The following DNAJB1 variants were observed in gnomAD, a reference collection of about 807,000 sequenced individuals.
DNAJB1 encodes the protein dnaJ homolog subfamily B member 1.
In DNAJB1, 14 loss-of-function variants were observed where a neutral mutation model predicts 24.0. That is an observed-to-expected ratio of 0.58 (90% CI 0.39 to 0.91). DNAJB1 has a LOEUF of 0.91. Among genes scored for constraint, DNAJB1 ranks in the 40% least tolerant of loss-of-function variants. The probability of loss-of-function intolerance (pLI) is 0.00; values close to 1 mark genes in which losing one functional copy is unlikely to be tolerated. For synonymous variants in DNAJB1, 262 were observed against 174.4 expected, an observed-to-expected ratio of 1.50 and a Z score of -3.96; for missense variants, 517 against 458.1, an observed-to-expected ratio of 1.13 and a Z score of -1.17.
chr19:14,515,220 G>T lies in DNAJB1; in HGVS notation c.*720C>A, dbSNP rs957440034. ...CAAGATTGCCTTACAGAAATGTAAA[G>T]AGTGTGACCCACAAAGTGAGGACAT... On this transcript the variant is annotated 3_prime_UTR_variant, in exon 3 of 3. Coordinates refer to ENST00000254322, the MANE Select transcript of DNAJB1 (RefSeq NM_006145.3). 3.9e-5 allele frequency: 6 copies of T among 152,656 alleles called. No individual in the cohort carries two copies. The highest frequency in any genetic ancestry group is 1.4e-4 in the African/African-American group (6 of 41,454). The allele number at this position is 152,656 out of a possible 1,614,324, so 9.5% of individuals were successfully genotyped here.
chr19:14,539,077 G>A (rs1405413781), intron 1 of DNAJB1, among the ~76,000 whole-genome samples: 8 of 148,508 alleles, frequency 5.4e-5, no homozygotes, highest in Non-Finnish European at 1.0e-4. Flanking sequence ...GGGTTCATGC[G>A]ATTCTCCTGC....
chr19:14,516,434 C>T, intron 2 of DNAJB1, 32 bp downstream of exon 2: 1 of 1,428,394 alleles, frequency 7.0e-7, no homozygotes, highest in Non-Finnish European at 9.6e-7. Flanking sequence ...AGCCATCGCC[C>T]TCTACAGACA....
At chr19:14,526,957 G>A (rs527924155) in intron 2 of DNAJB1, among the ~76,000 whole-genome samples, 2 of 151,956 alleles carry the variant, frequency 1.3e-5, no homozygotes, top group East Asian at 3.9e-4. Context: ...TAATCCCAGC[G>A]CTTTGGGAGG....
chr19:14,538,840 T>C (rs998957534), intron 1 of DNAJB1, among the ~76,000 whole-genome samples: 1 of 151,346 alleles, frequency 6.6e-6, no homozygotes, highest in African/African-American at 2.4e-5. Flanking sequence ...TGAGAAAAGC[T>C]TCAAAACTTA....
intron 1 of DNAJB1, among the ~76,000 whole-genome samples, chr19:14,556,945 G>T (rs1201971635): frequency 6.6e-6 from 1 of 152,078 alleles, no homozygotes; most frequent in African/African-American, 2.4e-5. Context: ...TGGGTTCACT[G>T]TGACCAGCTG....
At chr19:14,516,312 A>AAGCTCC (rs2146518640) in intron 2 of DNAJB1, 142 bp from the exon 3 acceptor site, 1 of 1,267,494 alleles carries the variant, frequency 7.9e-7, no homozygotes, top group Admixed American at 2.6e-5. Context: ...CCCACCACGA[A>AAGCTCC]AGCTCCACAA....
chr19:14,548,071 T>C (rs1486345979), intron 1 of DNAJB1, among the ~76,000 whole-genome samples: 1 of 151,874 alleles, frequency 6.6e-6, no homozygotes, highest in Non-Finnish European at 1.5e-5. Flanking sequence ...CAAGCGATTC[T>C]TCTGCCTCAG....
chr19:14,515,982 G>C lies in DNAJB1; in HGVS notation c.981C>G (p.Pro327=), dbSNP rs530905480. ...EFEVIFPERI[P]QTSRTVLEQV... ...GCTCAAGTACGGTTCTTGATGTCTG[G>C]GGAATCCTTTCGGGGAAGATCACTT... Residue 327 remains proline (P), a synonymous_variant, in exon 3 of 3, where the codon CCC becomes CCG. Transcript: ENST00000254322. 11 of 1,610,772 alleles carry C rather than the reference G, an allele frequency of 6.8e-6. No individual in the cohort carries two copies. The highest frequency in any genetic ancestry group is 9.3e-6 in the Non-Finnish European group (11 of 1,179,064).
chr19:14,536,952 T>C (rs2072919711), intron 1 of DNAJB1, among the ~76,000 whole-genome samples: 1 of 88,194 alleles, frequency 1.1e-5, no homozygotes, highest in South Asian at 4.0e-4. Flanking sequence ...ACGGGGCAGA[T>C]GTGGGGAGGA....
chr19:14,522,697 C>G (rs971473992), upstream of DNAJB1, among the ~76,000 whole-genome samples: 106 of 150,022 alleles, frequency 7.1e-4, 2 homozygotes, highest in African/African-American at 2.2e-3. Context: ...CACACACACA[C>G]ACACACACAC....
intron 1 of DNAJB1, 85 bp from the exon 2 acceptor site, chr19:14,517,131 GC>G: frequency 7.0e-7 from 1 of 1,428,978 alleles, no homozygotes; most frequent in Non-Finnish European, 9.4e-7. Flanking sequence ...CAGCTTGGAA[GC>G]CATGGGGGAG....
upstream of DNAJB1, chr19:14,518,485 G>C (rs8102350): frequency 0.81 from 464,272 of 571,944 alleles, 192,167 homozygotes; most frequent in African/African-American, 0.87. Flanking sequence ...CGCCCCGCCC[G>C]CCCCCGCGGC....
intron 2 of DNAJB1, 41 bp downstream of exon 2, chr19:14,516,425 G>C: frequency 6.3e-7 from 1 of 1,580,430 alleles, no homozygotes; most frequent in Non-Finnish European, 8.6e-7. Flanking sequence ...TCAAAAAGCA[G>C]CCATCGCCCT....
upstream of DNAJB1, among the ~76,000 whole-genome samples, chr19:14,534,675 G>A (rs936501471): frequency 2.0e-5 from 3 of 152,080 alleles, no homozygotes; most frequent in Admixed American, 6.6e-5. Context: ...GGGCTCAAGC[G>A]ATCCTCCTGC....
chr19:14,551,564 G>A (rs1016899944), upstream of DNAJB1, among the ~76,000 whole-genome samples: 1 of 152,128 alleles, frequency 6.6e-6, no homozygotes, highest in Non-Finnish European at 1.5e-5. Context: ...CATTGAGGAC[G>A]CGCCCCTGCT....
At chr19:14,542,347 G>GGGTTTTTTTTTTT (rs2073124658) in intron 1 of DNAJB1, among the ~76,000 whole-genome samples, 6 of 43,284 alleles carry the variant, frequency 1.4e-4, no homozygotes, top group African/African-American at 4.9e-4. Flanking sequence ...ATGCCATAGT[G>GGGTTTTTTTTTTT]TTTTTTTTTT....
rs750634405 is a variant in DNAJB1 at position 14,515,965 on chromosome 19, A to G, written c.998T>C (p.Val333Ala). Residue 333 changes from valine (V) to alanine (A), a missense_variant, in exon 3 of 3, where the codon GTA becomes GCA. Physicochemically the swap from Val to Ala is moderately conservative, Grantham distance 64 (BLOSUM62 0). Coordinates refer to ENST00000254322, the MANE Select transcript of DNAJB1 (RefSeq NM_006145.3). The stretch of plus-strand genomic sequence containing the variant: ...CTATATTGGAAGAACCTGCTCAAGT[A>G]CGGTTCTTGATGTCTGGGGAATCCT... ...PERIPQTSRT[V>A]LEQVLPI 1.2e-6 allele frequency: 2 copies of G among 1,609,930 alleles called. No individual in the cohort carries two copies. The highest frequency in any genetic ancestry group is 1.7e-4 in the Middle Eastern group (1 of 5,784).
At position 14,518,358 on chromosome 19, in the gene DNAJB1, C is replaced by A. The variant is rs1027637082; in HGVS notation, c.-9G>T. On this transcript the variant is annotated 5_prime_UTR_variant, in exon 1 of 3. Coordinates refer to ENST00000254322, the MANE Select transcript of DNAJB1 (RefSeq NM_006145.3). ...TAGTAGTCTTTACCCATGACCCCCT[C>A]CTGCGGCCCGCCGACCCGCTGTCGC... 5 of 1,548,552 alleles carry A rather than the reference C, an allele frequency of 3.2e-6. No homozygotes were observed. The African/African-American group carries it at 4.2e-5, about 13-fold the overall frequency.
chr19:14,545,438 G>C (rs892994896), intron 1 of DNAJB1, among the ~76,000 whole-genome samples: 8 of 126,138 alleles, frequency 6.3e-5, no homozygotes, highest in Non-Finnish European at 1.5e-4. Flanking sequence ...CACAGCTCCT[G>C]GTACATCGTG....
Sources: gnomAD v4.1 joint callset for allele counts (sites outside exome capture counted in the v4.1 genomes callset) on GRCh38, gnomAD v4.1.1 for gene constraint, MANE v1.5 for transcripts, NCBI Gene and HGNC (gene_info 2026-07-23, HGNC 2026-07-21) for gene names.